EIF4B: variants seen among roughly 807,000 people sequenced by gnomAD.
EIF4B encodes eukaryotic translation initiation factor 4B.
A neutral mutation model predicts 79.3 loss-of-function variants in EIF4B; 8 were observed. The ratio of observed to expected loss-of-function variants is 0.10; its 90% CI spans 0.06 to 0.18. The LOEUF is 0.18. EIF4B is among the 10% of genes least tolerant of loss of function. The probability of loss-of-function intolerance (pLI) is 1.00; values close to 1 mark genes in which losing one functional copy is unlikely to be tolerated. For synonymous variants in EIF4B, 238 were observed against 274.7 expected, an observed-to-expected ratio of 0.87 and a Z score of 1.32; for missense variants, 515 against 792.4, an observed-to-expected ratio of 0.65 and a Z score of 4.20.
intron 6 of EIF4B, among the ~76,000 whole-genome samples, chr12:53,024,078 CAG>C (rs942884559): frequency 2.6e-5 from 4 of 151,952 alleles, no homozygotes; most frequent in Admixed American, 6.6e-5. Flanking sequence ...AGGGAAGAGA[CAG>C]TGTGTGAATA....
intron 6 of EIF4B, among the ~76,000 whole-genome samples, chr12:53,026,117 A>G (rs1943330134): frequency 6.6e-6 from 1 of 152,128 alleles, no homozygotes; most frequent in African/African-American, 2.4e-5. Context: ...AAAGAGAAAG[A>G]AAAAGATCCC....
intron 1 of EIF4B, among the ~76,000 whole-genome samples, chr12:53,015,662 C>T (rs1943136502): frequency 7.2e-6 from 1 of 139,784 alleles, no homozygotes; most frequent in Non-Finnish European, 1.5e-5. Context: ...GCCTGGACAA[C>T]AGAGCAAGAC....
chr12:53,037,800 T>C, intron 11 of EIF4B, 178 bp downstream of exon 11: 1 of 668,260 alleles, frequency 1.5e-6, no homozygotes, highest in Non-Finnish European at 2.6e-6. Flanking sequence ...TTTTCTGGAG[T>C]TCCACCACTT....
At chr12:53,038,094 C>G (rs1452972400) in intron 11 of EIF4B, 1 of 285,380 alleles carries the variant, frequency 3.5e-6, no homozygotes, top group Admixed American at 5.0e-5. Context: ...GCACTCCAGC[C>G]TGGGCGACAG....
chr12:53,015,228 T>A (rs1007430245), intron 1 of EIF4B, among the ~76,000 whole-genome samples: 1 of 152,186 alleles, frequency 6.6e-6, no homozygotes, highest in African/African-American at 2.4e-5. Context: ...AATAAGCTGC[T>A]GAGATGCAAG....
intron 1 of EIF4B, among the ~76,000 whole-genome samples, chr12:53,007,686 CT>C (rs1390617865): frequency 6.6e-6 from 1 of 152,146 alleles, no homozygotes; most frequent in African/African-American, 2.4e-5. Flanking sequence ...ATTATTTGAA[CT>C]TCTATCTCTG....
intron 6 of EIF4B, among the ~76,000 whole-genome samples, chr12:53,023,067 C>G (rs115541917): frequency 6.6e-6 from 1 of 151,930 alleles, no homozygotes; most frequent in South Asian, 2.1e-4. Flanking sequence ...CAAGCTGAGG[C>G]AAGAGGACTC....
chr12:53,036,924 G>T (rs750041511), intron 10 of EIF4B, among the ~76,000 whole-genome samples: 53 of 152,256 alleles, frequency 3.5e-4, no homozygotes, highest in Non-Finnish European at 6.9e-4. Context: ...AGGCTCAAAC[G>T]ATCCGCCCCC....
chr12:53,014,169 C>A (rs530577101), intron 1 of EIF4B, among the ~76,000 whole-genome samples: 50 of 151,622 alleles, frequency 3.3e-4, no homozygotes, highest in African/African-American at 1.2e-3. Context: ...CGTTGGCTCA[C>A]GTCTGTAATC....
At position 53,041,760 on chromosome 12, in the gene EIF4B, A is replaced by G. The variant is rs1156913063; in HGVS notation, c.*1537A>G. On this transcript the variant is annotated 3_prime_UTR_variant, in exon 15 of 15. Coordinates refer to ENST00000262056, the MANE Select transcript of EIF4B (RefSeq NM_001417.7). ...GTTTATGCGTGCTGCAGCAGTGGGC[A>G]TAATGAATATAATTTACCCAGTGGA... 6.6e-6 allele frequency: 1 copy of G among 152,220 alleles called. No individual in the cohort carries two copies. The highest frequency in any genetic ancestry group is 1.5e-5 in the Non-Finnish European group (1 of 68,048). The allele number at this position is 152,220 out of a possible 1,614,324, so 9.4% of individuals were successfully genotyped here.
chr12:53,038,364 GA>G lies in EIF4B; in HGVS notation c.1533del (p.Val512Ter), dbSNP rs1178295439. On this transcript the variant is annotated frameshift_variant, in exon 12 of 15. Coordinates refer to ENST00000262056, the MANE Select transcript of EIF4B (RefSeq NM_001417.7). LOFTEE classifies it high-confidence loss of function. ...TEQQSPTSGGGKVAPAQPSEE... is the reference protein window; with the variant it reads ...TEQQSPTSGGXKVAPAQPSEE... ...ACCTGTTTTCCTTCTAGTGGTGGGG[GA>G]AAAGTAGCTCCAGCTCAACCATCTG... 3.8e-6 allele frequency: 6 copies of G among 1,595,984 alleles called. No individual in the cohort carries two copies. Among genetic ancestry groups the G allele is most frequent in the Non-Finnish European group, 5.1e-6 (6 of 1,170,760 alleles).
chr12:53,034,731 A>T (rs1943508250), intron 10 of EIF4B, 22 bp downstream of exon 10: 1 of 1,613,602 alleles, frequency 6.2e-7, no homozygotes, highest in Non-Finnish European at 8.5e-7. Context: ...CAGGGTGGGT[A>T]TCGTGTTATT....
rs1294768321 is a variant in EIF4B, at chr12:53,041,086, A to G, written c.*863A>G. On this transcript the variant is annotated 3_prime_UTR_variant, in exon 15 of 15. Transcript: ENST00000262056. ...CTTTTTGAAAGTTTTGAATATATCCACATTCTATTGAAACCTTGAAACTAA... is the reference window on the plus strand; with the variant it reads ...CTTTTTGAAAGTTTTGAATATATCCGCATTCTATTGAAACCTTGAAACTAA... 2 of 152,156 alleles carry G rather than the reference A, an allele frequency of 1.3e-5. No homozygotes were observed. The highest frequency in any genetic ancestry group is 3.8e-4 in the East Asian group (2 of 5,198). 9.4% of individuals were successfully genotyped at this position (152,156 alleles called of 1,614,324 possible). A position where few individuals can be genotyped will look rare whatever the true frequency, so the allele number is the denominator to read the frequency against.
At chr12:53,014,606 G>A (rs1178505480) in intron 1 of EIF4B, 1 of 152,134 alleles carries the variant, frequency 6.6e-6, no homozygotes, top group African/African-American at 2.4e-5. Context: ...TTCTAATTGT[G>A]TCCAGAAGGC....
intron 1 of EIF4B, among the ~76,000 whole-genome samples, chr12:53,009,656 C>G (rs770904004): frequency 1.3e-5 from 2 of 152,174 alleles, no homozygotes; most frequent in Admixed American, 6.5e-5. Flanking sequence ...TTTTCATACA[C>G]TGCTGACTCT....
At chr12:53,019,688 T>TTC (rs1212624639) in intron 3 of EIF4B, among the ~76,000 whole-genome samples, 1 of 149,934 alleles carries the variant, frequency 6.7e-6, no homozygotes, top group Non-Finnish European at 1.5e-5. Context: ...TTTTTTTTTT[T>TTC]TTTTAGAGTT....
chr12:53,033,004 T>C (rs911982727), intron 8 of EIF4B, among the ~76,000 whole-genome samples: 6 of 151,456 alleles, frequency 4.0e-5, no homozygotes, highest in African/African-American at 1.5e-4. Flanking sequence ...TATTTTTATT[T>C]TTATTTATTT....
chr12:53,014,370 G>A (rs1031385830), intron 1 of EIF4B, among the ~76,000 whole-genome samples: 2 of 148,956 alleles, frequency 1.3e-5, no homozygotes, highest in Non-Finnish European at 3.0e-5. Flanking sequence ...CTGAGATCGC[G>A]CCACTGCACT....
intron 8 of EIF4B, among the ~76,000 whole-genome samples, chr12:53,030,013 G>A (rs1300644947): frequency 6.6e-6 from 1 of 151,672 alleles, no homozygotes; most frequent in Non-Finnish European, 1.5e-5. Flanking sequence ...CTTGAGTCCA[G>A]GAGTTCAAGA....
Sources: allele counts gnomAD v4.1 joint callset (sites outside exome capture counted in the v4.1 genomes callset), GRCh38; gene constraint gnomAD v4.1.1; transcripts MANE v1.5; gene names NCBI Gene and HGNC (gene_info 2026-07-23, HGNC 2026-07-21).